Variants in DCAF6 observed in about 807,000 individuals in gnomAD.
The protein encoded by DCAF6 is DDB1- and CUL4-associated factor 6.
A neutral mutation model predicts 125.1 loss-of-function variants in DCAF6; 54 were observed. That is an observed-to-expected ratio of 0.43 (90% CI 0.35 to 0.54). The LOEUF is 0.54. Ranked by LOEUF, DCAF6 falls within the 20% of genes least tolerant of loss-of-function variation. The pLI is 0.01. For synonymous variants in DCAF6, 371 were observed against 390.4 expected (o/e 0.95, Z 0.58); for missense variants, 934 against 1,161.7 (o/e 0.80, Z 2.85).
chr1:167,968,352 C>T (rs1309996612), intron 3 of DCAF6: 1 of 152,274 alleles, frequency 6.6e-6, no homozygotes, highest in African/African-American at 2.4e-5. Context: ...AAGAGACCCC[C>T]CCGTGCTGAG....
chr1:168,033,416 C>T (rs1457047339), intron 12 of DCAF6, among the ~76,000 whole-genome samples: 1 of 150,976 alleles, frequency 6.6e-6, no homozygotes, highest in East Asian at 2.0e-4. Context: ...CCCGGGTTCA[C>T]GCCATTCTCC....
chr1:167,865,496 A>C, the DCAF6 span, among the ~76,000 whole-genome samples: 1 of 152,250 alleles, frequency 6.6e-6, no homozygotes, highest in Non-Finnish European at 1.5e-5. Context: ...TATGTCTATG[A>C]GGTTTTATTA....
chr1:167,864,750 T>TAAC, the DCAF6 span, among the ~76,000 whole-genome samples: 13 of 152,216 alleles, frequency 8.5e-5, no homozygotes, highest in Non-Finnish European at 1.5e-5. Flanking sequence ...CGTAACCCTG[T>TAAC]AACACTCTAA....
At chr1:167,973,450 T>C (rs1289033076) in intron 3 of DCAF6, among the ~76,000 whole-genome samples, 1 of 152,238 alleles carries the variant, frequency 6.6e-6, no homozygotes. Flanking sequence ...GTGGTTTTTA[T>C]ATTAATTGAT....
chr1:167,877,775 T>A, the DCAF6 span, among the ~76,000 whole-genome samples: 1 of 152,154 alleles, frequency 6.6e-6, no homozygotes, highest in East Asian at 1.9e-4. Flanking sequence ...GAGGAATGTC[T>A]ATGAATCCCT....
At chr1:168,033,707 A>G (rs568488592) in intron 12 of DCAF6, among the ~76,000 whole-genome samples, 1 of 152,234 alleles carries the variant, frequency 6.6e-6, no homozygotes, top group African/African-American at 2.4e-5. Flanking sequence ...ACAGTCTTTT[A>G]TCTTGATGTT....
At chr1:167,981,587 A>G (rs186266438) in intron 4 of DCAF6, among the ~76,000 whole-genome samples, 31 of 152,244 alleles carry the variant, frequency 2.0e-4, no homozygotes, top group African/African-American at 4.8e-4. Context: ...TATGTCCACA[A>G]GTATCCAGTG....
chr1:167,903,768 A>G, the DCAF6 span: 1 of 750,806 alleles, frequency 1.3e-6, no homozygotes, highest in South Asian at 1.5e-5. Context: ...TTTTATACAC[A>G]TTTCATGGGG....
chr1:167,982,921 C>A (rs1441306397), intron 4 of DCAF6, among the ~76,000 whole-genome samples: 1 of 152,072 alleles, frequency 6.6e-6, no homozygotes, highest in Non-Finnish European at 1.5e-5. Context: ...AATAGGGAGT[C>A]CTTTCCCCAT....
intron 2 of DCAF6, among the ~76,000 whole-genome samples, chr1:167,952,253 T>A (rs1674073574): frequency 6.6e-6 from 1 of 152,080 alleles, no homozygotes; most frequent in Non-Finnish European, 1.5e-5. Context: ...CAGGCTGGAG[T>A]GCAGTGGCGC....
At chr1:167,944,449 C>G (rs1297397830) in intron 1 of DCAF6, among the ~76,000 whole-genome samples, 1 of 152,198 alleles carries the variant, frequency 6.6e-6, no homozygotes, top group South Asian at 2.1e-4. Context: ...TATAAGAGTT[C>G]CCTTTTTTTC....
intron 12 of DCAF6, among the ~76,000 whole-genome samples, chr1:168,024,714 G>C (rs1313500991): frequency 6.6e-6 from 1 of 150,642 alleles, no homozygotes; most frequent in African/African-American, 2.4e-5. Context: ...TGAGGGAGGA[G>C]AATCGCTTGA....
chr1:167,992,184 G>C (rs1235733983), intron 6 of DCAF6, among the ~76,000 whole-genome samples: 3 of 150,510 alleles, frequency 2.0e-5, no homozygotes, highest in Non-Finnish European at 3.0e-5. Context: ...TAGGATCAAA[G>C]TACTTCCAAA....
chr1:167,965,824 G>A (rs1676330197), intron 2 of DCAF6, among the ~76,000 whole-genome samples: 2 of 151,992 alleles, frequency 1.3e-5, no homozygotes, highest in Admixed American at 1.3e-4. Flanking sequence ...TAGTAGAGAC[G>A]GGGTTTCGCC....
chr1:167,882,307 A>C, the DCAF6 span, among the ~76,000 whole-genome samples: 1 of 152,074 alleles, frequency 6.6e-6, no homozygotes, highest in African/African-American at 2.4e-5. Context: ...CAACATGGCG[A>C]AACCTCATCT....
chr1:167,873,583 G>C, the DCAF6 span, among the ~76,000 whole-genome samples: 2 of 151,940 alleles, frequency 1.3e-5, no homozygotes, highest in Non-Finnish European at 2.9e-5. Context: ...ATCTTCTTTG[G>C]GTCTCTTCTC....
intron 16 of DCAF6, among the ~76,000 whole-genome samples, chr1:168,050,077 AC>A (rs1439960629): frequency 1.3e-5 from 2 of 151,208 alleles, no homozygotes; most frequent in Non-Finnish European, 2.9e-5. Context: ...AAAAAAAAAA[AC>A]AAGCATCTAA....
At chr1:167,942,483 A>G (rs1220678452) in intron 1 of DCAF6, among the ~76,000 whole-genome samples, 4 of 152,324 alleles carry the variant, frequency 2.6e-5, no homozygotes, top group South Asian at 2.1e-4. Flanking sequence ...TAAGAATTCT[A>G]TAATTCTTTA....
chr1:168,006,780 A>G (rs1000846038), intron 10 of DCAF6, among the ~76,000 whole-genome samples: 10 of 152,122 alleles, frequency 6.6e-5, no homozygotes, highest in African/African-American at 2.4e-4. Context: ...TGCTGTGGAT[A>G]CCTTTTTATG....
Sources: gnomAD v4.1 joint callset for allele counts (sites outside exome capture counted in the v4.1 genomes callset) on GRCh38, gnomAD v4.1.1 for gene constraint, MANE v1.5 for transcripts, NCBI Gene and HGNC (gene_info 2026-07-23, HGNC 2026-07-21) for gene names.